The following KSR2 variants were observed in gnomAD, a reference collection of about 807,000 sequenced individuals.
KSR2 encodes the protein kinase suppressor of ras 2.
KSR2 carries 25 observed loss-of-function variants against 107.8 expected under a neutral mutation model. That is an observed-to-expected ratio of 0.23 (90% CI 0.17 to 0.32). KSR2 has a LOEUF of 0.32. Ranked by LOEUF, KSR2 falls within the 10% of genes least tolerant of loss-of-function variation. The pLI is 1.00. For synonymous variants in KSR2, 480 were observed against 507.0 expected, an observed-to-expected ratio of 0.95 and a Z score of 0.71; for missense variants, 887 against 1,268.9, an observed-to-expected ratio of 0.70 and a Z score of 4.57.
chr12:117,817,970 G>A (rs1891432847), intron 3 of KSR2, among the ~76,000 whole-genome samples: 1 of 152,082 alleles, frequency 6.6e-6, no homozygotes, highest in South Asian at 2.1e-4. Flanking sequence ...GCGTGGTGGT[G>A]CATGCCTGTA....
intron 1 of KSR2, among the ~76,000 whole-genome samples, chr12:117,880,645 G>T (rs1158669558): frequency 2.0e-5 from 3 of 151,522 alleles, no homozygotes; most frequent in Admixed American, 2.0e-4. Context: ...CAGAAAACCT[G>T]CCGGAGGAAG....
At chr12:117,913,439 C>T (rs139452106) in intron 1 of KSR2, among the ~76,000 whole-genome samples, 2 of 152,212 alleles carry the variant, frequency 1.3e-5, no homozygotes, top group African/African-American at 4.8e-5. Flanking sequence ...TTTATGTTCA[C>T]CCAGAAACTC....
chr12:117,870,307 T>C (rs142009318), intron 1 of KSR2, among the ~76,000 whole-genome samples: 65 of 152,304 alleles, frequency 4.3e-4, no homozygotes, highest in African/African-American at 1.4e-3. Flanking sequence ...AGGCATTACA[T>C]AAGATATTCT....
chr12:117,565,852 T>C (rs940469567), intron 7 of KSR2, among the ~76,000 whole-genome samples: 3 of 152,228 alleles, frequency 2.0e-5, no homozygotes, highest in Admixed American at 2.0e-4. Flanking sequence ...AAGTCTTCTA[T>C]GTGCATGGCT....
intron 3 of KSR2, among the ~76,000 whole-genome samples, chr12:117,848,361 T>C (rs944275969): frequency 6.6e-6 from 1 of 151,966 alleles, no homozygotes; most frequent in South Asian, 2.1e-4. Context: ...TGGAATGGAG[T>C]GGGAGGTGGA....
intron 5 of KSR2, among the ~76,000 whole-genome samples, chr12:117,599,338 A>G (rs1239734315): frequency 6.6e-6 from 1 of 152,176 alleles, no homozygotes; most frequent in East Asian, 1.9e-4. Flanking sequence ...AACTTCACGC[A>G]TCAGATTCCT....
At chr12:117,778,494 G>C (rs900476176) in intron 3 of KSR2, among the ~76,000 whole-genome samples, 3 of 152,208 alleles carry the variant, frequency 2.0e-5, no homozygotes, top group African/African-American at 4.8e-5. Flanking sequence ...GAGACAACTC[G>C]CTATAGTCAA....
intron 1 of KSR2, among the ~76,000 whole-genome samples, chr12:117,903,461 C>T (rs1408906538): frequency 1.3e-5 from 2 of 152,198 alleles, no homozygotes; most frequent in Middle Eastern, 3.2e-3. Flanking sequence ...CCAAATACTA[C>T]ATGGGATATA....
rs143043461 is a variant in KSR2, at chr12:117,809,071, G to T, written c.472+46357C>A. ...ATGTGGAGCAGACTCCCCACCCCCC[G>T]CCTCTAATCCAGAGCATCCATTTTT... On this transcript the variant is annotated intron_variant, in intron 3 of 19. Coordinates refer to ENST00000339824, the MANE Select transcript of KSR2 (RefSeq NM_173598.6). Among the ~76,000 whole-genome samples the T allele has an allele frequency of 9.1e-3, 1,382 of 151,538 alleles. 10 individuals are homozygous for T. Among genetic ancestry groups the T allele is most frequent in the Middle Eastern group, 0.017 (5 of 294 alleles).
intron 1 of KSR2, among the ~76,000 whole-genome samples, chr12:117,938,874 G>A (rs1206910274): frequency 6.6e-6 from 1 of 152,020 alleles, no homozygotes; most frequent in African/African-American, 2.4e-5. Flanking sequence ...ACATTATCGT[G>A]ATCATCATCA....
At chr12:117,656,683 A>G (rs1884171040) in intron 5 of KSR2, among the ~76,000 whole-genome samples, 1 of 152,096 alleles carries the variant, frequency 6.6e-6, no homozygotes, top group Non-Finnish European at 1.5e-5. Context: ...GTACAATCTA[A>G]TCAGCTTCCA....
chr12:117,674,007 G>C (rs1332148377), intron 4 of KSR2, among the ~76,000 whole-genome samples: 3 of 152,142 alleles, frequency 2.0e-5, no homozygotes, highest in Non-Finnish European at 2.9e-5. Flanking sequence ...TGTGCAGAGG[G>C]GCTGGGCTAA....
chr12:117,530,446 G>A (rs1446416516), intron 12 of KSR2, among the ~76,000 whole-genome samples: 1 of 152,130 alleles, frequency 6.6e-6, no homozygotes, highest in Non-Finnish European at 1.5e-5. Flanking sequence ...GCATGGCTGT[G>A]TTCCAATAAA....
chr12:117,552,415 G>A (rs1392351), intron 9 of KSR2, among the ~76,000 whole-genome samples: 134,381 of 152,258 alleles, frequency 0.88, 59,417 homozygotes, highest in African/African-American at 0.94. Context: ...GCTTGTGACT[G>A]CTTCCATCAG....
chr12:117,949,319 G>T (rs1271950919), intron 1 of KSR2, among the ~76,000 whole-genome samples: 1 of 144,354 alleles, frequency 6.9e-6, no homozygotes, highest in Non-Finnish European at 1.5e-5. Flanking sequence ...AAAAAAAAAA[G>T]AAAATCTTCG....
chr12:117,622,404 G>A (rs1882246364), intron 5 of KSR2, among the ~76,000 whole-genome samples: 2 of 152,112 alleles, frequency 1.3e-5, no homozygotes, highest in African/African-American at 2.4e-5. Context: ...GTCTATCTCA[G>A]AGAACCTCTT....
rs917122978 is a variant in KSR2 at position 117,907,842 on chromosome 12, C to A, written c.181-47411G>T. ...GAGCTTCATAATCATCTTTTCACTG[C>A]CCCTCTTTGAGAGCTGCCAATTTAC... On this transcript the variant is annotated intron_variant, in intron 1 of 19. Transcript: ENST00000339824. The surrounding 1 kb of genome is among the most constrained non-coding windows in gnomAD (Gnocchi z 4.3). Among the ~76,000 whole-genome samples, 3 of 151,768 alleles carry A rather than the reference C, an allele frequency of 2.0e-5. No individual in the cohort carries two copies. The highest frequency in any genetic ancestry group is 6.6e-5 in the Admixed American group (1 of 15,236).
chr12:117,572,193 C>T (rs1202936608), intron 7 of KSR2, among the ~76,000 whole-genome samples: 1 of 152,198 alleles, frequency 6.6e-6, no homozygotes, highest in Admixed American at 6.5e-5. Flanking sequence ...CGCTGCTTCG[C>T]CTGGCTAACT....
chr12:117,709,247 C>T (rs1298127212), intron 4 of KSR2, among the ~76,000 whole-genome samples: 1 of 152,144 alleles, frequency 6.6e-6, no homozygotes, highest in African/African-American at 2.4e-5. Context: ...CCCCAAAGCA[C>T]CCCCTAATTA....
Sources: allele counts gnomAD v4.1 joint callset (sites outside exome capture counted in the v4.1 genomes callset), GRCh38; gene constraint gnomAD v4.1.1; non-coding constraint Gnocchi (gnomAD v3.1); transcripts MANE v1.5; gene names NCBI Gene and HGNC (gene_info 2026-07-23, HGNC 2026-07-21).